The following GLIS3 variants were observed in gnomAD, a reference collection of about 807,000 sequenced individuals.
GLIS3 encodes zinc finger protein GLIS3.
In GLIS3, 53 loss-of-function variants were observed where a neutral mutation model predicts 78.6. The ratio of observed to expected loss-of-function variants is 0.67; its 90% CI spans 0.54 to 0.85. The LOEUF is 0.85. Among genes scored for constraint, GLIS3 ranks in the 40% least tolerant of loss-of-function variants. GLIS3 has a pLI of 0.00. For missense variants in GLIS3, 1,703 were observed against 1,231.1 expected, an observed-to-expected ratio of 1.38 and a Z score of -5.74; for synonymous variants, 684 against 509.9, an observed-to-expected ratio of 1.34 and a Z score of -4.60.
the GLIS3 span, chr9:4,490,405 CG>C: frequency 1.3e-5 from 3 of 232,686 alleles, no homozygotes; most frequent in Admixed American, 5.9e-5. Flanking sequence ...CCTCCTTCCT[CG>C]CTGGTTGGCC....
At chr9:3,922,046 G>A (rs1314734298) in intron 6 of GLIS3, among the ~76,000 whole-genome samples, 1 of 152,020 alleles carries the variant, frequency 6.6e-6, no homozygotes, top group Non-Finnish European at 1.5e-5. Flanking sequence ...AAGTCATTTT[G>A]GCAATATGTT....
chr9:4,209,086 T>G (rs1413187346), intron 2 of GLIS3, among the ~76,000 whole-genome samples: 1 of 152,196 alleles, frequency 6.6e-6, no homozygotes, highest in Non-Finnish European at 1.5e-5. Context: ...TTTTAAAAGA[T>G]GACATATAAA....
chr9:4,117,678 A>G, intron 4 of GLIS3, 90 bp downstream of exon 4: 2 of 1,491,702 alleles, frequency 1.3e-6, no homozygotes, highest in Non-Finnish European at 1.9e-6. Context: ...CACGCATGCA[A>G]ACTCCATGGG....
At chr9:4,232,134 T>G (rs1357168497) in intron 2 of GLIS3, among the ~76,000 whole-genome samples, 1 of 151,548 alleles carries the variant, frequency 6.6e-6, no homozygotes, top group African/African-American at 2.4e-5. Flanking sequence ...TGCCAGCACT[T>G]TGGGAGGCTG....
At chr9:4,394,941 G>A in the GLIS3 span, among the ~76,000 whole-genome samples, 1 of 152,188 alleles carries the variant, frequency 6.6e-6, no homozygotes, top group Non-Finnish European at 1.5e-5. Flanking sequence ...TCTGGCTGGG[G>A]AAAATATACT....
chr9:4,204,892 T>C (rs550741126), intron 2 of GLIS3, among the ~76,000 whole-genome samples: 4 of 139,396 alleles, frequency 2.9e-5, no homozygotes, highest in African/African-American at 7.8e-5. Flanking sequence ...CTTGCCTGGG[T>C]GACAAAGCAA....
chr9:4,243,573 G>A (rs991770113), intron 2 of GLIS3, among the ~76,000 whole-genome samples: 2 of 152,118 alleles, frequency 1.3e-5, no homozygotes, highest in African/African-American at 4.8e-5. Context: ...TTATTTTGCT[G>A]GTTATTTTGC....
At position 4,292,538 on chromosome 9, in the gene GLIS3, A is replaced by G. The variant is rs182638269; in HGVS notation, c.-98-6015T>C. 2.3e-3 allele frequency among the ~76,000 whole-genome samples: 348 copies of G among 152,330 alleles called. 1 individual carries two copies. Among genetic ancestry groups the G allele is most frequent in the African/African-American group, 8.0e-3 (334 of 41,590 alleles). ...AAATAAATAACAAAATATAGCTAGA[A>G]TGAAGAACAGAAAAGATCTAAGGGT... On this transcript the variant is annotated intron_variant, in intron 1 of 10. Transcript: ENST00000381971.
intron 8 of GLIS3, among the ~76,000 whole-genome samples, chr9:3,857,262 C>G (rs1786226591): frequency 6.6e-6 from 1 of 152,198 alleles, no homozygotes; most frequent in African/African-American, 2.4e-5. Flanking sequence ...TGTAGAAAGA[C>G]AGGCTTTGTT....
At chr9:4,027,945 C>G (rs895736500) in intron 4 of GLIS3, among the ~76,000 whole-genome samples, 3 of 152,186 alleles carry the variant, frequency 2.0e-5, no homozygotes, top group Non-Finnish European at 4.4e-5. Flanking sequence ...CAAGGTAGAA[C>G]CCAGTGGGTG....
chr9:4,051,312 G>A (rs1427924047), intron 4 of GLIS3, among the ~76,000 whole-genome samples: 1 of 152,182 alleles, frequency 6.6e-6, no homozygotes, highest in African/African-American at 2.4e-5. Flanking sequence ...TGTGTGGCAG[G>A]GGCGGGGATA....
chr9:4,108,304 A>G (rs1251050432), intron 4 of GLIS3, among the ~76,000 whole-genome samples: 1 of 152,148 alleles, frequency 6.6e-6, no homozygotes, highest in African/African-American at 2.4e-5. Flanking sequence ...ACCATTATAT[A>G]TATGAATTTC....
chr9:4,300,024 A>AGAGG lies in GLIS3; in HGVS notation c.-706_-703dup, dbSNP rs1341338365. On this transcript the variant is annotated 5_prime_UTR_variant, in exon 1 of 11. Coordinates refer to ENST00000381971, the MANE Select transcript of GLIS3 (RefSeq NM_001042413.2). ...GGCTGCAGGGAGAGGGGAAGGGGGA[A>AGAGG]GAGGGAGGGAGGAAGGCAGCCGGGC... 6.6e-6 allele frequency: 1 copy of AGAGG among 150,882 alleles called. No homozygotes were observed. The highest frequency in any genetic ancestry group is 2.0e-4 in the East Asian group (1 of 5,034). The allele number at this position is 150,882 out of a possible 1,614,324, so 9.3% of individuals were successfully genotyped here. A position where few individuals can be genotyped will look rare whatever the true frequency, so the allele number is the denominator to read the frequency against.
At chr9:4,371,802 T>C in the GLIS3 span, among the ~76,000 whole-genome samples, 2,739 of 152,330 alleles carry the variant, frequency 0.018, 82 homozygotes, top group African/African-American at 0.062. Context: ...ATCCTTAGCC[T>C]GGCTCCAGTT....
At chr9:4,001,295 C>T (rs898019509) in intron 4 of GLIS3, among the ~76,000 whole-genome samples, 2 of 152,236 alleles carry the variant, frequency 1.3e-5, no homozygotes, top group East Asian at 1.9e-4. Flanking sequence ...CTTTCAATGG[C>T]TTTTATCCAT....
intron 2 of GLIS3, among the ~76,000 whole-genome samples, chr9:4,244,994 A>T (rs917081921): frequency 4.6e-5 from 7 of 152,238 alleles, no homozygotes; most frequent in African/African-American, 2.4e-5. Flanking sequence ...CCAAGAAAAA[A>T]TGATTGATGT....
At chr9:3,914,691 T>A (rs1168924761) in intron 6 of GLIS3, among the ~76,000 whole-genome samples, 1 of 152,162 alleles carries the variant, frequency 6.6e-6, no homozygotes, top group African/African-American at 2.4e-5. Flanking sequence ...AAGTGTAAAT[T>A]TGGTAAGTAG....
chr9:3,993,984 G>A (rs553773868), intron 4 of GLIS3, among the ~76,000 whole-genome samples: 9 of 152,062 alleles, frequency 5.9e-5, no homozygotes, highest in Non-Finnish European at 1.2e-4. Context: ...CCTCTACTAC[G>A]CATCAGAGTC....
the GLIS3 span, among the ~76,000 whole-genome samples, chr9:4,454,892 G>A: frequency 0.029 from 4,466 of 152,126 alleles, 238 homozygotes; most frequent in African/African-American, 0.1. Flanking sequence ...ATCTAGAATT[G>A]TACACACACT....
Sources: gnomAD v4.1 joint callset for allele counts (sites outside exome capture counted in the v4.1 genomes callset) on GRCh38, gnomAD v4.1.1 for gene constraint, MANE v1.5 for transcripts, NCBI Gene and HGNC (gene_info 2026-07-23, HGNC 2026-07-21) for gene names.